The following NCOA7 variants were observed in gnomAD, a reference collection of about 807,000 sequenced individuals.
NCOA7 encodes the protein 140 kDa estrogen receptor-associated protein.
NCOA7 carries 45 observed loss-of-function variants against 104.3 expected under a neutral mutation model. The observed-to-expected ratio is 0.43, with a 90% CI of 0.34 to 0.55. NCOA7 has a LOEUF of 0.55. Ranked by LOEUF, NCOA7 falls within the 20% of genes least tolerant of loss-of-function variation. The pLI, the probability that NCOA7 is intolerant of heterozygous loss-of-function variation, is 0.02. For synonymous variants in NCOA7, 398 were observed against 402.3 expected, an observed-to-expected ratio of 0.99 and a Z score of 0.13; for missense variants, 1,041 against 1,119.7, an observed-to-expected ratio of 0.93 and a Z score of 1.00.
At chr6:125,897,668 A>G (rs1352978068) in intron 10 of NCOA7, among the ~76,000 whole-genome samples, 1 of 151,934 alleles carries the variant, frequency 6.6e-6, no homozygotes, top group East Asian at 1.9e-4. Flanking sequence ...GCAAATTGGG[A>G]TGTATTTCCC....
chr6:125,853,705 A>G (rs571777005), intron 2 of NCOA7, among the ~76,000 whole-genome samples: 7 of 152,054 alleles, frequency 4.6e-5, no homozygotes, highest in Non-Finnish European at 1.0e-4. Flanking sequence ...ATTAGGGGAT[A>G]TTTTACTATT....
At chr6:125,815,194 A>T in intron 1 of NCOA7, 97 bp from the exon 2 acceptor site, 1 of 437,402 alleles carries the variant, frequency 2.3e-6, no homozygotes, top group Non-Finnish European at 4.1e-6. Context: ...TTTATTTTTC[A>T]TTTGTTTTAG....
intron 2 of NCOA7, among the ~76,000 whole-genome samples, chr6:125,820,231 GCCT>G (rs1319095093): frequency 6.6e-6 from 1 of 152,174 alleles, no homozygotes; most frequent in Non-Finnish European, 1.5e-5. Flanking sequence ...CCCATCTCCA[GCCT>G]CTGCCCTGGC....
At position 125,784,987 on chromosome 6, in the gene NCOA7, A is replaced by AACACACAC. The variant is rs3084325; in HGVS notation, c.-141-1124_-141-1117dup. Reference sequence around the variant, plus strand: ...ACAAGATATGATAATGTTGCATATAAACACACACACACACACACACACACA... The same window carrying AACACACAC: ...ACAAGATATGATAATGTTGCATATAAACACACACACACACACACACACACACACACACA... On this transcript the variant is annotated intron_variant, in intron 1 of 16. Coordinates refer to the NCOA7 transcript ENST00000368357. Among the ~76,000 whole-genome samples the AACACACAC allele has an allele frequency of 1.1e-3, 164 of 148,412 alleles. 1 individual carries two copies. Among genetic ancestry groups the AACACACAC allele is most frequent in the African/African-American group, 3.8e-3 (155 of 40,292 alleles).
intron 1 of NCOA7, among the ~76,000 whole-genome samples, chr6:125,791,471 A>C (rs1303601282): frequency 5.9e-5 from 9 of 152,220 alleles, no homozygotes; most frequent in African/African-American, 2.2e-4. Context: ...TCTAGCCAAA[A>C]CATGTAGACA....
intron 2 of NCOA7, among the ~76,000 whole-genome samples, chr6:125,842,652 T>C (rs1315139498): frequency 2.6e-5 from 4 of 152,144 alleles, no homozygotes; most frequent in African/African-American, 9.7e-5. Context: ...TTATAAACAA[T>C]GATGAACTGA....
chr6:125,799,549 C>T (rs1775688700), intron 1 of NCOA7, among the ~76,000 whole-genome samples: 1 of 151,968 alleles, frequency 6.6e-6, no homozygotes, highest in East Asian at 1.9e-4. Flanking sequence ...AAGCAATTCT[C>T]CTGAGTCAAC....
intron 2 of NCOA7, among the ~76,000 whole-genome samples, chr6:125,823,011 A>G (rs756092200): frequency 6.6e-6 from 1 of 151,486 alleles, no homozygotes; most frequent in South Asian, 2.1e-4. Flanking sequence ...AAAATTATAT[A>G]TGGGCATGGA....
At chr6:125,882,318 C>A in intron 6 of NCOA7, 108 bp from the exon 7 acceptor site, 2 of 1,134,116 alleles carry the variant, frequency 1.8e-6, no homozygotes, top group Non-Finnish European at 2.5e-6. Flanking sequence ...TAATGTTCCA[C>A]TTAAATAGAA....
Position 125,888,920 on chromosome 6 carries a change from A to G in NCOA7, c.885-19A>G. The stretch of plus-strand genomic sequence containing the variant: ...TATTTTTAACATTCCATGTGCACCC[A>G]CCATTTCTCCCCCAACAGTGACCTA... On this transcript the variant is annotated intron_variant, in intron 8 of 15. Transcript: ENST00000392477. The G allele has an allele frequency of 6.4e-7, 1 of 1,556,860 alleles. No homozygotes were observed. The highest frequency in any genetic ancestry group is 1.7e-4 in the Middle Eastern group (1 of 5,766).
At chr6:125,902,126 G>A (rs1464301442) in intron 10 of NCOA7, among the ~76,000 whole-genome samples, 3 of 152,098 alleles carry the variant, frequency 2.0e-5, no homozygotes, top group African/African-American at 7.2e-5. Context: ...GAAAAACGGG[G>A]ATGTGAAGTT....
At chr6:125,837,848 G>A (rs1779758831) in intron 2 of NCOA7, among the ~76,000 whole-genome samples, 1 of 152,138 alleles carries the variant, frequency 6.6e-6, no homozygotes, top group African/African-American at 2.4e-5. Context: ...TCCAGACCAG[G>A]GAACATATAA....
intron 8 of NCOA7, 125 bp from the exon 9 acceptor site, chr6:125,888,814 A>G: frequency 3.5e-6 from 2 of 569,184 alleles, no homozygotes; most frequent in South Asian, 3.5e-5. Context: ...ACATAAATTT[A>G]AGTTGTGATA....
At chr6:125,880,332 G>A (rs1419787172) in intron 5 of NCOA7, among the ~76,000 whole-genome samples, 2 of 151,972 alleles carry the variant, frequency 1.3e-5, no homozygotes, top group South Asian at 4.2e-4. Context: ...AAGTTTAGAA[G>A]CCATGCTTCT....
intron 3 of NCOA7, among the ~76,000 whole-genome samples, chr6:125,869,833 C>G (rs1583422703): frequency 6.6e-6 from 1 of 152,230 alleles, no homozygotes; most frequent in Non-Finnish European, 1.5e-5. Context: ...ACCAGTCCTC[C>G]CCTACTCTCC....
chr6:125,848,705 G>A (rs1161551499), intron 2 of NCOA7, among the ~76,000 whole-genome samples: 3 of 152,028 alleles, frequency 2.0e-5, no homozygotes, highest in African/African-American at 7.3e-5. Context: ...TGTAAATGAC[G>A]AGTTGATGGG....
At chr6:125,872,867 G>C (rs930975768) in intron 3 of NCOA7, among the ~76,000 whole-genome samples, 2 of 152,162 alleles carry the variant, frequency 1.3e-5, no homozygotes, top group African/African-American at 4.8e-5. Context: ...CCTGTAGGCA[G>C]GGAGATCATT....
intron 8 of NCOA7, among the ~76,000 whole-genome samples, chr6:125,886,109 G>A (rs1338608697): frequency 6.6e-6 from 1 of 151,252 alleles, no homozygotes; most frequent in Admixed American, 6.6e-5. Context: ...GATGGGAAGA[G>A]GCAAAGCAGT....
intron 10 of NCOA7, among the ~76,000 whole-genome samples, chr6:125,910,950 G>A (rs1470196562): frequency 2.6e-5 from 4 of 152,200 alleles, no homozygotes; most frequent in Non-Finnish European, 2.9e-5. Flanking sequence ...AAAGAATAAT[G>A]TTGGGGTGAT....
Sources: allele counts gnomAD v4.1 joint callset (sites outside exome capture counted in the v4.1 genomes callset), GRCh38; gene constraint gnomAD v4.1.1; transcripts MANE v1.5; gene names NCBI Gene and HGNC (gene_info 2026-07-23, HGNC 2026-07-21).